CCHCR1: variants seen among roughly 807,000 people sequenced by gnomAD.
CCHCR1 encodes the protein HCR (a-helix coiled-coil rod homologue).
Under a neutral mutation model 114.6 loss-of-function variants are expected in CCHCR1, and 91 were observed. That is an observed-to-expected ratio of 0.79 (90% CI 0.67 to 0.94). The LOEUF (loss-of-function observed/expected upper bound fraction) is 0.94, where lower values mean the gene tolerates loss of function less well. Among genes scored for constraint, CCHCR1 ranks in the 40% least tolerant of loss-of-function variants. CCHCR1 has a pLI of 0.00. For synonymous variants in CCHCR1, 379 were observed against 428.5 expected, an observed-to-expected ratio of 0.88 and a Z score of 1.43; for missense variants, 899 against 1,079.9, an observed-to-expected ratio of 0.83 and a Z score of 2.35.
At chr6:31,149,238 G>A (rs9263766) in intron 8 of CCHCR1, 22,425 of 156,314 alleles carry the variant, frequency 0.14, 1,755 homozygotes, top group African/African-American at 0.16. Context: ...TGGAATCTGA[G>A]CCCAGTGTTC....
Position 31,151,238 on chromosome 6 carries a change from TG to T in CCHCR1, c.802-117del. 2 of 1,133,142 alleles carry T rather than the reference TG, an allele frequency of 1.8e-6. No homozygotes were observed. The highest frequency in any genetic ancestry group is 2.5e-6 in the Non-Finnish European group (2 of 799,450). 70.2% of individuals were successfully genotyped at this position (1,133,142 alleles called of 1,614,324 possible). A position where few individuals can be genotyped will look rare whatever the true frequency, so the allele number is the denominator to read the frequency against. On this transcript the variant is annotated intron_variant, in intron 4 of 17. Transcript: ENST00000396268. This position sits in a 1 kb window ranked among gnomAD's most constrained non-coding sequence, Gnocchi z 4.1. Reference sequence around the variant, plus strand: ...AATGACCCAACCAATCAGCCAACTGTGCACAGCAAATGGAGAGCTGGCAACT... The same window carrying T: ...AATGACCCAACCAATCAGCCAACTGTCACAGCAAATGGAGAGCTGGCAACT...
rs770431424 is a variant in CCHCR1 at position 31,144,857 on chromosome 6, A to C, written c.2065+28T>G. 1.9e-6 allele frequency: 3 copies of C among 1,611,660 alleles called. No homozygotes were observed. The highest frequency in any genetic ancestry group is 2.5e-6 in the Non-Finnish European group (3 of 1,178,186). ...TTCGCAGTTCCCACCCCACCCTCCA[A>C]GGGAAGCACCCATTTCCCTCTCGAC... On this transcript the variant is annotated intron_variant, in intron 14 of 17. Coordinates refer to ENST00000396268, the MANE Select transcript of CCHCR1 (RefSeq NM_001105564.2). This position sits in a 1 kb window ranked among gnomAD's most constrained non-coding sequence, Gnocchi z 4.6.
Position 31,143,521 on chromosome 6 carries a change from G to T in CCHCR1, c.2168-108C>A. 2.5e-6 allele frequency: 3 copies of T among 1,198,882 alleles called. No homozygotes were observed. The highest frequency in any genetic ancestry group is 3.5e-6 in the Non-Finnish European group (3 of 852,514). The allele number at this position is 1,198,882 out of a possible 1,614,324, so 74.3% of individuals were successfully genotyped here. A position where few individuals can be genotyped will look rare whatever the true frequency, so the allele number is the denominator to read the frequency against. ...TGGGTCACCAACTCTGTGGCTTGGGGAGGCTGTTCTGCTCTGTGGATCTGT... is the reference window on the plus strand; with the variant it reads ...TGGGTCACCAACTCTGTGGCTTGGGTAGGCTGTTCTGCTCTGTGGATCTGT... On this transcript the variant is annotated intron_variant, in intron 15 of 17. Coordinates refer to ENST00000396268, the MANE Select transcript of CCHCR1 (RefSeq NM_001105564.2). The surrounding 1 kb of genome is among the most constrained non-coding windows in gnomAD (Gnocchi z 5.3).
chr6:31,143,560 T>C lies in CCHCR1; in HGVS notation c.2168-147A>G. ...CTGTGGATCTGTCTCTTCTGTACAGTTGGAGGGGTGGGCTGATGCTCTAGG... is the reference window on the plus strand; with the variant it reads ...CTGTGGATCTGTCTCTTCTGTACAGCTGGAGGGGTGGGCTGATGCTCTAGG... On this transcript the variant is annotated intron_variant, in intron 15 of 17. Transcript: ENST00000396268. This position sits in a 1 kb window ranked among gnomAD's most constrained non-coding sequence, Gnocchi z 5.3. 1 of 805,422 alleles carries C rather than the reference T, an allele frequency of 1.2e-6. No individual in the cohort carries two copies. The highest frequency in any genetic ancestry group is 2.9e-5 in the Admixed American group (1 of 34,530). 49.9% of individuals were successfully genotyped at this position (805,422 alleles called of 1,614,324 possible).
At chr6:31,155,319 T>C (rs1355762208) in intron 3 of CCHCR1, among the ~76,000 whole-genome samples, 1 of 152,052 alleles carries the variant, frequency 6.6e-6, no homozygotes, top group Non-Finnish European at 1.5e-5. Context: ...AAAAGGCATT[T>C]ATTGGCTGGG....
chr6:31,148,848 GGGGGGCGGGCGACGGGGGT>G, intron 8 of CCHCR1, 120 bp from the exon 9 acceptor site: 1 of 470,064 alleles, frequency 2.1e-6, no homozygotes. Context: ...CTGGGGGGAG[GGGGGGCGGGCGACGGGGGT>G]GGGTTGCAGC....
chr6:31,155,389 G>C (rs1336057448), intron 3 of CCHCR1, among the ~76,000 whole-genome samples: 1 of 151,976 alleles, frequency 6.6e-6, no homozygotes, highest in Non-Finnish European at 1.5e-5. Context: ...CGGATCACGA[G>C]GTCAGGAGAT....
In CCHCR1 at chr6:31,157,485, C is replaced by T; in HGVS notation, c.116G>A (p.Trp39Ter). ...DGLPSGLAEP[W>*]RELWRWRSRP... ...TGAGCGCCATCTCCAGAGTTCTCTC[C>T]ATGGCTCAGCAAGGCCTGAGGGAAG... The change falls in exon 1 of 18, where the codon TGG becomes TAG. Residue 39 changes from tryptophan (W) to a stop codon, truncating the protein, a stop_gained. Transcript: ENST00000396268. LOFTEE classifies it high-confidence loss of function. The T allele has an allele frequency of 6.2e-7, 1 of 1,613,080 alleles. No individual in the cohort carries two copies. Among genetic ancestry groups the T allele is most frequent in the Non-Finnish European group, 8.5e-7 (1 of 1,180,024 alleles).
Position 31,144,938 on chromosome 6 carries a change from T to C in CCHCR1, c.2012A>G (p.Glu671Gly). Residue 671 changes from glutamate (E) to glycine (G), a missense_variant, in exon 14 of 18, where the codon GAG (glutamate) becomes GGG (glycine). By Grantham distance (98) the Glu-to-Gly change is moderately conservative (BLOSUM62 -2). Transcript: ENST00000396268. The surrounding 1 kb of genome is among the most constrained non-coding windows in gnomAD (Gnocchi z 4.6). ...ARQGQQESTE[E>G]AASLRQELTQ... is the part of the protein sequence containing the mutation. The stretch of plus-strand genomic sequence containing the variant: ...CAGCTCCTGCCGCAGACTGGCAGCC[T>C]CCTCTGTGCTCTCCTGCTGGCCCTG... 1 of 1,612,426 alleles carries C rather than the reference T, an allele frequency of 6.2e-7. No individual in the cohort carries two copies. The highest frequency in any genetic ancestry group is 8.5e-7 in the Non-Finnish European group (1 of 1,179,962).
Position 31,157,473 on chromosome 6 carries a change from CAG to C in CCHCR1, c.126_127del (p.Trp43GlufsTer24). On this transcript the variant is annotated frameshift_variant, in exon 1 of 18. Transcript: ENST00000396268. LOFTEE classifies it high-confidence loss of function. Reference sequence around the variant, plus strand: ...GTGCAGGGGTCTTGAGCGCCATCTCCAGAGTTCTCTCCATGGCTCAGCAAGGC... The same window carrying C: ...GTGCAGGGGTCTTGAGCGCCATCTCCAGTTCTCTCCATGGCTCAGCAAGGC... 2 of 1,613,034 alleles carry C rather than the reference CAG, an allele frequency of 1.2e-6. No homozygotes were observed. Among genetic ancestry groups the C allele is most frequent in the Non-Finnish European group, 1.7e-6 (2 of 1,180,010 alleles).
Position 31,151,158 on chromosome 6 carries a change from C to T in CCHCR1, c.802-36G>A. ...AAGAGGGGGCTCAGCAGAGGCTCGA[C>T]CCCACATGGAGGCCTTCCTTGTTCC... On this transcript the variant is annotated intron_variant, in intron 4 of 17. Transcript: ENST00000396268. The surrounding 1 kb of genome is among the most constrained non-coding windows in gnomAD (Gnocchi z 4.1). The T allele has an allele frequency of 6.3e-7, 1 of 1,591,670 alleles. No homozygotes were observed. The highest frequency in any genetic ancestry group is 8.5e-7 in the Non-Finnish European group (1 of 1,170,578).
intron 10 of CCHCR1, 93 bp from the exon 11 acceptor site, chr6:31,145,901 CCCAT>C (rs1774264946): frequency 1.3e-6 from 1 of 747,552 alleles, no homozygotes; most frequent in African/African-American, 1.7e-5. Context: ...CTAATCCTGT[CCCAT>C]TATACAAGTA....
At position 31,144,960 on chromosome 6, in the gene CCHCR1, C is replaced by A. The variant is rs130079; in HGVS notation, c.1990G>T (p.Gly664Cys). The A allele has an allele frequency of 0.22, 360,884 of 1,610,436 alleles. 43,548 individuals carry two copies. The highest frequency in any genetic ancestry group is 0.25 in the Non-Finnish European group (293,005 of 1,179,832). Reference protein sequence around the residue: ...LGLQLEVARQGQQESTEEAAS... With the variant: ...LGLQLEVARQCQQESTEEAAS... ...GCCTCCTCTGTGCTCTCCTGCTGGC[C>A]CTGGCGTGCTACCTCCAGCTGCAGC... Residue 664 changes from glycine to cysteine, a missense_variant, in exon 14 of 18, where the codon GGC becomes TGC. Physicochemically the swap from Gly to Cys is radical, Grantham distance 159. Transcript: ENST00000396268. This position sits in a 1 kb window ranked among gnomAD's most constrained non-coding sequence, Gnocchi z 4.6.
chr6:31,142,925 C>T (rs187478046), intron 17 of CCHCR1, 38 bp downstream of exon 17: 27 of 1,594,890 alleles, frequency 1.7e-5, no homozygotes, highest in African/African-American at 2.7e-5. Flanking sequence ...CTGAAGTGCG[C>T]GCATTTGTCC....
chr6:31,144,774 C>G lies in CCHCR1; in HGVS notation c.2080G>C (p.Val694Leu), dbSNP rs781360930. 1 of 1,614,052 alleles carries G rather than the reference C, an allele frequency of 6.2e-7. No homozygotes were observed. The highest frequency in any genetic ancestry group is 1.1e-5 in the South Asian group (1 of 91,072). Residue 694 changes from valine (V) to leucine (L), a missense_variant, in exon 15 of 18, where the codon GTG becomes CTG. Transcript: ENST00000396268. This position sits in a 1 kb window ranked among gnomAD's most constrained non-coding sequence, Gnocchi z 4.6. Reference sequence around the variant, plus strand: ...CGCAGCCGAGTTTCCACTTCAGCCACCTTTTCTTGCAGGGCTGGGGTGAAA... The same window carrying G: ...CGCAGCCGAGTTTCCACTTCAGCCAGCTTTTCTTGCAGGGCTGGGGTGAAA... ...ELYGQALQEK[V>L]AEVETRLREQ...
chr6:31,156,700 G>A (rs1439181681), intron 3 of CCHCR1, 31 bp downstream of exon 3: 1 of 1,575,820 alleles, frequency 6.3e-7, no homozygotes, highest in East Asian at 2.2e-5. Context: ...TAGCAAGCAA[G>A]CCTGAGAAAA....
rs370676027 is a variant in CCHCR1 at position 31,150,899 on chromosome 6, C to T, written c.966-39G>A. 29 of 1,610,896 alleles carry T rather than the reference C, an allele frequency of 1.8e-5. No homozygotes were observed. Among genetic ancestry groups the T allele is most frequent in the African/African-American group, 9.3e-5 (7 of 74,896 alleles). Reference sequence around the variant, plus strand: ...GGGAATGGGACAGCCATCAGTGGGGCGCCCTGCAGATCCACCACATCACTA... The same window carrying T: ...GGGAATGGGACAGCCATCAGTGGGGTGCCCTGCAGATCCACCACATCACTA... On this transcript the variant is annotated intron_variant, in intron 5 of 17. Coordinates refer to ENST00000396268, the MANE Select transcript of CCHCR1 (RefSeq NM_001105564.2). This position sits in a 1 kb window ranked among gnomAD's most constrained non-coding sequence, Gnocchi z 5.3.
At position 31,144,884 on chromosome 6, in the gene CCHCR1, C is replaced by T; in HGVS notation, c.2065+1G>A. ...GGAAGCACCCATTTCCCTCTCGACA[C>T]CTTGCCCGTAGAGTTCCTGCTGCTG... On this transcript the variant is annotated splice_donor_variant, in intron 14 of 17. Transcript: ENST00000396268. LOFTEE classifies it high-confidence loss of function. The surrounding 1 kb of genome is among the most constrained non-coding windows in gnomAD (Gnocchi z 4.6). 6.2e-7 allele frequency: 1 copy of T among 1,613,476 alleles called. No individual in the cohort carries two copies.
intron 1 of CCHCR1, 138 bp from the exon 2 acceptor site, chr6:31,157,227 C>T: frequency 9.9e-7 from 1 of 1,006,488 alleles, no homozygotes; most frequent in Non-Finnish European, 1.5e-6. Flanking sequence ...TCCTACTTCC[C>T]CAAAGTAGGA....
Sources: allele counts gnomAD v4.1 joint callset (sites outside exome capture counted in the v4.1 genomes callset), GRCh38; gene constraint gnomAD v4.1.1; non-coding constraint Gnocchi (gnomAD v3.1); transcripts MANE v1.5; gene names NCBI Gene and HGNC (gene_info 2026-07-23, HGNC 2026-07-21).